The following BTNL9 variants were observed in gnomAD, a reference collection of about 807,000 sequenced individuals.
BTNL9 encodes the protein butyrophilin-like protein 9.
In BTNL9, 45 loss-of-function variants were observed where a neutral mutation model predicts 45.8. The observed-to-expected ratio is 0.98, with a 90% CI of 0.77 to 1.26. BTNL9 has a LOEUF of 1.26. BTNL9 is among the 50% of genes most tolerant of loss of function. BTNL9 has a pLI of 0.00. For synonymous variants in BTNL9, 346 were observed against 330.8 expected (o/e 1.05, Z -0.50); for missense variants, 784 against 729.7 (o/e 1.07, Z -0.86).
rs1561988286 is a variant in BTNL9, at chr5:181,058,391, A to G, written c.982+13A>G. 1.2e-6 allele frequency: 2 copies of G among 1,614,178 alleles called. No individual in the cohort carries two copies. Among genetic ancestry groups the G allele is most frequent in the Non-Finnish European group, 8.5e-7 (1 of 1,180,010 alleles). On this transcript the variant is annotated intron_variant, in intron 10 of 10. Coordinates refer to ENST00000327705, the MANE Select transcript of BTNL9 (RefSeq NM_152547.5). The stretch of plus-strand genomic sequence containing the variant: ...CAAAAATATGCAGGTAACTGAAGCC[A>G]GGAAACTGATTTGTGTTTTGGTTTG...
At chr5:181,046,719 G>A (rs1761191571) in intron 2 of BTNL9, among the ~76,000 whole-genome samples, 1 of 151,946 alleles carries the variant, frequency 6.6e-6, no homozygotes, top group Admixed American at 6.6e-5. Context: ...GGGAGAGAGA[G>A]AGAGAGAGAA....
intron 1 of BTNL9, among the ~76,000 whole-genome samples, chr5:181,045,223 G>C (rs1561974358): frequency 6.6e-6 from 1 of 152,174 alleles, no homozygotes; most frequent in Non-Finnish European, 1.5e-5. Context: ...GGATCCTTCA[G>C]CCTCGTCCCC....
chr5:181,058,480 C>A (rs978193962), intron 10 of BTNL9, 102 bp downstream of exon 10: 1 of 1,494,622 alleles, frequency 6.7e-7, no homozygotes, highest in Non-Finnish European at 9.3e-7. Flanking sequence ...TTTATAGGAG[C>A]CAAGTATGGG....
chr5:181,047,490 A>G (rs1761246355), intron 2 of BTNL9: 1 of 992,322 alleles, frequency 1.0e-6, no homozygotes, highest in Non-Finnish European at 1.2e-6. Context: ...AATTATCACC[A>G]TCAGCAATTT....
intron 4 of BTNL9, chr5:181,052,743 C>G (rs1761613993): frequency 1.3e-5 from 2 of 152,176 alleles, no homozygotes; most frequent in Non-Finnish European, 2.9e-5. Context: ...TGGTTCGGTT[C>G]TCACTTCTTC....
At chr5:181,057,256 A>AC (rs1348450055) in intron 9 of BTNL9, 2 of 148,126 alleles carry the variant, frequency 1.4e-5, no homozygotes, top group Non-Finnish European at 3.0e-5. Flanking sequence ...ACTTTCTTCT[A>AC]TTTTTTTTTT....
rs1444963184 is a variant in BTNL9, at chr5:181,042,460, G to A, written c.-24+2028G>A. ...TGTTTCCTTCGAGGAGGGGACTTAC[G>A]CTTCAAGTAAGGATTGAGCACCCTG... is the stretch of plus-strand genomic sequence containing the variant. On this transcript the variant is annotated intron_variant, in intron 1 of 10. Transcript: ENST00000327705. The surrounding 1 kb of genome is among the most constrained non-coding windows in gnomAD (Gnocchi z 4.5). Among the ~76,000 whole-genome samples the A allele has an allele frequency of 1.3e-5, 2 of 152,180 alleles. No homozygotes were observed. Among genetic ancestry groups the A allele is most frequent in the Non-Finnish European group, 2.9e-5 (2 of 68,040 alleles).
chr5:181,055,549 C>A lies in BTNL9; in HGVS notation c.928+96C>A. On this transcript the variant is annotated intron_variant, in intron 8 of 10. Coordinates refer to ENST00000327705, the MANE Select transcript of BTNL9 (RefSeq NM_152547.5). This position sits in a 1 kb window ranked among gnomAD's most constrained non-coding sequence, Gnocchi z 4.4. ...CTTTGGGAGGCCGAGGCGGGTGGAT[C>A]ACGAGGTCAGGAGATCGAGACCAGC... is the stretch of plus-strand genomic sequence containing the variant. 1 of 1,414,278 alleles carries A rather than the reference C, an allele frequency of 7.1e-7. No homozygotes were observed. The highest frequency in any genetic ancestry group is 1.0e-6 in the Non-Finnish European group (1 of 1,002,820). 87.6% of individuals were successfully genotyped at this position (1,414,278 alleles called of 1,614,324 possible).
chr5:181,053,940 GGGGCTTAACGTTTCCGCC>G lies in BTNL9; in HGVS notation c.887-297_887-280del, dbSNP rs1357139864. 1 of 1,518,996 alleles carries G rather than the reference GGGGCTTAACGTTTCCGCC, an allele frequency of 6.6e-7. No homozygotes were observed. Among genetic ancestry groups the G allele is most frequent in the South Asian group, 1.2e-5 (1 of 83,022 alleles). 94.1% of individuals were successfully genotyped at this position (1,518,996 alleles called of 1,614,324 possible). On this transcript the variant is annotated intron_variant, in intron 6 of 10. Coordinates refer to ENST00000327705, the MANE Select transcript of BTNL9 (RefSeq NM_152547.5). This position sits in a 1 kb window ranked among gnomAD's most constrained non-coding sequence, Gnocchi z 6.5. ...AGCCCAGTTACGTGAGGCAGTGTCC[GGGGCTTAACGTTTCCGCC>G]GAGCTAATAGATTTGGGAGGCTCCG... is the stretch of plus-strand genomic sequence containing the variant.
chr5:181,058,278 G>A, intron 9 of BTNL9, 74 bp from the exon 10 acceptor site: 3 of 1,554,194 alleles, frequency 1.9e-6, no homozygotes, highest in Non-Finnish European at 2.7e-6. Context: ...TCATACATCT[G>A]GAGACTTCGT....
In BTNL9 at chr5:181,059,431, C is replaced by T. The variant is rs1762051261; in HGVS notation, c.1177C>T (p.Arg393Cys). The T allele has an allele frequency of 1.4e-6, 2 of 1,477,638 alleles. No homozygotes were observed. Among genetic ancestry groups the T allele is most frequent in the South Asian group, 1.3e-5 (1 of 75,906 alleles). The allele number at this position is 1,477,638 out of a possible 1,614,324, so 91.5% of individuals were successfully genotyped here. Residue 393 changes from arginine to cysteine, a missense_variant, in exon 11 of 11, where the codon CGC (arginine) becomes TGC (cysteine). Physicochemically the swap from Arg to Cys is radical, Grantham distance 180 (BLOSUM62 -3). Coordinates refer to ENST00000327705, the MANE Select transcript of BTNL9 (RefSeq NM_152547.5). ...RHYWEVHVGRRSRWFLGACLA... is the reference protein window; with the variant it reads ...RHYWEVHVGRCSRWFLGACLA... ...CTACTGGGAGGTGCACGTGGGCCGC[C>T]GCAGCCGCTGGTTCCTGGGCGCCTG... is the stretch of plus-strand genomic sequence containing the variant.
chr5:181,048,860 TA>T (rs1463495099), intron 3 of BTNL9, among the ~76,000 whole-genome samples: 3 of 130,218 alleles, frequency 2.3e-5, no homozygotes, highest in Non-Finnish European at 4.8e-5. Flanking sequence ...TAATATTATA[TA>T]ATTATATTAG....
In BTNL9 at chr5:181,042,915, T is replaced by C. The variant is rs2113139091; in HGVS notation, c.-24+2483T>C. 6.6e-6 allele frequency among the ~76,000 whole-genome samples: 1 copy of C among 151,864 alleles called. No individual in the cohort carries two copies. Among genetic ancestry groups the C allele is most frequent in the Non-Finnish European group, 1.5e-5 (1 of 67,940 alleles). On this transcript the variant is annotated intron_variant, in intron 1 of 10. Transcript: ENST00000327705. The surrounding 1 kb of genome is among the most constrained non-coding windows in gnomAD (Gnocchi z 4.5). ...TTGGGTAACAGGAGTGACGGAAGGGTGTACCCAGACACACGACGTAGCTGG... is the reference window on the plus strand; with the variant it reads ...TTGGGTAACAGGAGTGACGGAAGGGCGTACCCAGACACACGACGTAGCTGG...
chr5:181,053,028 C>T lies in BTNL9; in HGVS notation c.737-172C>T, dbSNP rs1481308715. 7.9e-6 allele frequency: 2 copies of T among 253,026 alleles called. No individual in the cohort carries two copies. Among genetic ancestry groups the T allele is most frequent in the Non-Finnish European group, 1.4e-5 (2 of 141,714 alleles). The allele number at this position is 253,026 out of a possible 1,614,324, so 15.7% of individuals were successfully genotyped here. On this transcript the variant is annotated intron_variant, in intron 4 of 10. Transcript: ENST00000327705. The surrounding 1 kb of genome is among the most constrained non-coding windows in gnomAD (Gnocchi z 6.5). ...CCCCGCCCCCTCCGCCGCGCGCGCC[C>T]CCGCCCCCTCCGCCGCGCGCGCTCC... is the stretch of plus-strand genomic sequence containing the variant.
chr5:181,055,725 C>T lies in BTNL9; in HGVS notation c.929-264C>T, dbSNP rs1160228702. ...CGGAGCTTGCAGTGAGCCGAGATGG[C>T]GCCACTGCACTCCAGCCTGGGCGAC... On this transcript the variant is annotated intron_variant, in intron 8 of 10. Coordinates refer to ENST00000327705, the MANE Select transcript of BTNL9 (RefSeq NM_152547.5). This position sits in a 1 kb window ranked among gnomAD's most constrained non-coding sequence, Gnocchi z 4.4. 1.0e-5 allele frequency: 7 copies of T among 692,564 alleles called. No homozygotes were observed. The highest frequency in any genetic ancestry group is 2.0e-5 in the Admixed American group (1 of 49,178). The allele number at this position is 692,564 out of a possible 1,614,324, so 42.9% of individuals were successfully genotyped here.
At position 181,053,338 on chromosome 5, in the gene BTNL9, C is replaced by T. The variant is rs1371646946; in HGVS notation, c.853+22C>T. ...CGAGGTACCGGCGCGGGCGGCGGGG[C>T]GGGGAGGGGCACCGGCCGGTGCTGA... On this transcript the variant is annotated intron_variant, in intron 5 of 10. Coordinates refer to ENST00000327705, the MANE Select transcript of BTNL9 (RefSeq NM_152547.5). The surrounding 1 kb of genome is among the most constrained non-coding windows in gnomAD (Gnocchi z 6.5). 1.3e-6 allele frequency: 2 copies of T among 1,522,368 alleles called. No homozygotes were observed. Among genetic ancestry groups the T allele is most frequent in the African/African-American group, 1.4e-5 (1 of 69,832 alleles). The allele number at this position is 1,522,368 out of a possible 1,614,324, so 94.3% of individuals were successfully genotyped here.
chr5:181,047,976 G>C lies in BTNL9; in HGVS notation c.159G>C (p.Glu53Asp). 1 of 1,613,902 alleles carries C rather than the reference G, an allele frequency of 6.2e-7. No homozygotes were observed. Among genetic ancestry groups the C allele is most frequent in the Non-Finnish European group, 8.5e-7 (1 of 1,180,026 alleles). Residue 53 changes from glutamate to aspartate, a missense_variant, in exon 3 of 11, where the codon GAG becomes GAC. Physicochemically the swap from Glu to Asp is conservative, Grantham distance 45. Coordinates refer to ENST00000327705, the MANE Select transcript of BTNL9 (RefSeq NM_152547.5). ...PEYPILALVG[E>D]EVEFPCHLWP... ...ATCCCATCCTGGCCCTCGTCGGGGA[G>C]GAGGTGGAGTTCCCGTGCCACCTAT...
chr5:181,055,645 T>C lies in BTNL9; in HGVS notation c.928+192T>C, dbSNP rs1761838351. 1.4e-6 allele frequency: 1 copy of C among 718,252 alleles called. No individual in the cohort carries two copies. Among genetic ancestry groups the C allele is most frequent in the East Asian group, 2.7e-5 (1 of 36,986 alleles). The allele number at this position is 718,252 out of a possible 1,614,324, so 44.5% of individuals were successfully genotyped here. On this transcript the variant is annotated intron_variant, in intron 8 of 10. Transcript: ENST00000327705. This position sits in a 1 kb window ranked among gnomAD's most constrained non-coding sequence, Gnocchi z 4.4. The stretch of plus-strand genomic sequence containing the variant: ...TTAGCCCGGCGTGGCGGCATGTGCC[T>C]GTAGTCCCAGCTACATGGGAGGCTG...
Position 181,047,974 on chromosome 5 carries a change from G to T in BTNL9, c.157G>T (p.Glu53Ter), listed in dbSNP as rs756559111. 3 of 1,613,876 alleles carry T rather than the reference G, an allele frequency of 1.9e-6. No individual in the cohort carries two copies. Among genetic ancestry groups the T allele is most frequent in the Non-Finnish European group, 2.5e-6 (3 of 1,180,022 alleles). ...PEYPILALVG[E>*]EVEFPCHLWP... Reference sequence around the variant, plus strand: ...GTATCCCATCCTGGCCCTCGTCGGGGAGGAGGTGGAGTTCCCGTGCCACCT... The same window carrying T: ...GTATCCCATCCTGGCCCTCGTCGGGTAGGAGGTGGAGTTCCCGTGCCACCT... Residue 53 changes from glutamate (E) to a stop codon, truncating the protein, a stop_gained, in exon 3 of 11, where the codon GAG becomes TAG. Coordinates refer to ENST00000327705, the MANE Select transcript of BTNL9 (RefSeq NM_152547.5). LOFTEE classifies it high-confidence loss of function.
Sources: gnomAD v4.1 joint callset for allele counts (sites outside exome capture counted in the v4.1 genomes callset) on GRCh38, gnomAD v4.1.1 for gene constraint, Gnocchi (gnomAD v3.1) non-coding constraint, MANE v1.5 for transcripts, NCBI Gene and HGNC (gene_info 2026-07-23, HGNC 2026-07-21) for gene names.